The following RIMS2 variants were observed in gnomAD, a reference collection of about 807,000 sequenced individuals.
The protein encoded by RIMS2 is regulating synaptic membrane exocytosis 2, also known as regulating synaptic membrane exocytosis protein 2.
RIMS2 carries 59 observed loss-of-function variants against 174.4 expected under a neutral mutation model. The observed-to-expected ratio is 0.34, with a 90% CI of 0.27 to 0.42. RIMS2 has a LOEUF of 0.42. RIMS2 is among the 10% of genes least tolerant of loss of function. The pLI is 1.00. For missense variants in RIMS2, 1,620 were observed against 1,666.3 expected (o/e 0.97, Z 0.48); for synonymous variants, 606 against 572.5 (o/e 1.06, Z -0.84).
intron 19 of RIMS2, among the ~76,000 whole-genome samples, chr8:104,083,304 C>A (rs1322261175): frequency 6.6e-6 from 1 of 152,042 alleles, no homozygotes; most frequent in Non-Finnish European, 1.5e-5. Context: ...GAAAGGGAAC[C>A]TTATTTCTTG....
At chr8:103,917,626 TA>T (rs544508263) in intron 8 of RIMS2, among the ~76,000 whole-genome samples, 5 of 152,190 alleles carry the variant, frequency 3.3e-5, no homozygotes, top group Non-Finnish European at 4.4e-5. Context: ...AAATCTCAAA[TA>T]AAAAGATACA....
intron 1 of RIMS2, among the ~76,000 whole-genome samples, chr8:103,623,386 A>T (rs1188939211): frequency 6.6e-6 from 1 of 152,004 alleles, no homozygotes; most frequent in Non-Finnish European, 1.5e-5. Context: ...TAATGATAAA[A>T]ATATGTAGTA....
At chr8:103,587,256 C>A (rs181578017) in intron 1 of RIMS2, among the ~76,000 whole-genome samples, 11 of 152,068 alleles carry the variant, frequency 7.2e-5, no homozygotes, top group Admixed American at 1.3e-4. Context: ...GATGGCTTCA[C>A]TGCCGAATTC....
At chr8:103,911,662 T>C (rs2154527345) in intron 5 of RIMS2, among the ~76,000 whole-genome samples, 1 of 152,328 alleles carries the variant, frequency 6.6e-6, no homozygotes, top group East Asian at 1.9e-4. Context: ...TTTTCATTTT[T>C]AAATGAATTC....
At chr8:103,583,243 T>TA (rs2093715997) in intron 1 of RIMS2, among the ~76,000 whole-genome samples, 1 of 152,188 alleles carries the variant, frequency 6.6e-6, no homozygotes, top group African/African-American at 2.4e-5. Flanking sequence ...GGGTGCTCTC[T>TA]AAAACAGATA....
intron 1 of RIMS2, among the ~76,000 whole-genome samples, chr8:103,584,260 A>C (rs999019156): frequency 3.9e-5 from 6 of 152,170 alleles, no homozygotes; most frequent in Admixed American, 3.9e-4. Context: ...TTCAAACATA[A>C]AAGAGAATTA....
chr8:103,779,558 G>T (rs972577027), intron 3 of RIMS2, among the ~76,000 whole-genome samples: 1 of 151,612 alleles, frequency 6.6e-6, no homozygotes, highest in South Asian at 2.1e-4. Context: ...GTTGGCTATC[G>T]AATACTATGC....
chr8:104,068,422 G>A (rs1257059068), intron 19 of RIMS2, 90 bp from the exon 23 acceptor site: 4 of 594,852 alleles, frequency 6.7e-6, no homozygotes, highest in African/African-American at 3.7e-5. Flanking sequence ...TAATATACCA[G>A]CCTGGCTTTT....
chr8:104,080,961 A>G lies in RIMS2; in HGVS notation c.3334+66346A>G, dbSNP rs184585738. Reference sequence around the variant, plus strand: ...AACTTCAGAGAGTGGAAACATCTCTATAGCACTAGGCCTAGCACATGGGAA... The same window carrying G: ...AACTTCAGAGAGTGGAAACATCTCTGTAGCACTAGGCCTAGCACATGGGAA... On this transcript the variant is annotated intron_variant, in intron 19 of 23. Transcript: ENST00000504942. Among the ~76,000 whole-genome samples the G allele has an allele frequency of 2.4e-3, 360 of 152,190 alleles. 1 individual carries two copies. The highest frequency in any genetic ancestry group is 7.7e-3 in the African/African-American group (322 of 41,580).
At chr8:104,231,352 TG>T (rs1282169669) in intron 19 of RIMS2, among the ~76,000 whole-genome samples, 4 of 148,900 alleles carry the variant, frequency 2.7e-5, no homozygotes, top group African/African-American at 1.0e-4. Flanking sequence ...CAATATGAGG[TG>T]TTTTCTTTTT....
At chr8:104,053,976 C>A (rs1282786975) in intron 19 of RIMS2, among the ~76,000 whole-genome samples, 2 of 152,194 alleles carry the variant, frequency 1.3e-5, no homozygotes, top group South Asian at 2.1e-4. Flanking sequence ...CCATGGAGAA[C>A]AACTCACTCT....
At chr8:103,969,967 C>T (rs2154547522) in intron 15 of RIMS2, among the ~76,000 whole-genome samples, 1 of 152,244 alleles carries the variant, frequency 6.6e-6, no homozygotes, top group Non-Finnish European at 1.5e-5. Context: ...CCAGACAGGT[C>T]TTCAACTCCT....
In RIMS2 at chr8:103,783,267, C is replaced by CT. The variant is rs58402080; in HGVS notation, c.698+16745dup. Among the ~76,000 whole-genome samples the CT allele has an allele frequency of 4.5e-3, 628 of 140,956 alleles. 2 individuals are homozygous for CT. Among genetic ancestry groups the CT allele is most frequent in the Middle Eastern group, 0.011 (3 of 264 alleles). The allele number at this position is 140,956 out of a possible 152,430, so 92.5% of individuals were successfully genotyped here. ...AGCATAGCAGTTTGTTTTTTCTTTT[C>CT]TTTTTTTTTTTTTTTATTATACTTT... On this transcript the variant is annotated intron_variant, in intron 3 of 23. Transcript: ENST00000504942.
intron 19 of RIMS2, among the ~76,000 whole-genome samples, chr8:104,061,788 T>C (rs10113734): frequency 0.011 from 1,738 of 152,092 alleles, 26 homozygotes; most frequent in African/African-American, 0.039. Flanking sequence ...TCTATAGATA[T>C]ACCATTATGC....
chr8:104,146,013 C>T (rs2098635744), intron 19 of RIMS2, among the ~76,000 whole-genome samples: 1 of 151,808 alleles, frequency 6.6e-6, no homozygotes, highest in African/African-American at 2.4e-5. Flanking sequence ...AAACTCATCC[C>T]TGGTGATCTC....
At chr8:103,783,202 A>G (rs923866949) in intron 3 of RIMS2, among the ~76,000 whole-genome samples, 52 of 151,874 alleles carry the variant, frequency 3.4e-4, no homozygotes, top group African/African-American at 1.2e-3. Context: ...CTCAGCCCTT[A>G]GGGGCTACCC....
intron 19 of RIMS2, among the ~76,000 whole-genome samples, chr8:104,025,511 G>A (rs2096234002): frequency 1.3e-5 from 2 of 152,058 alleles, no homozygotes; most frequent in East Asian, 3.9e-4. Context: ...AAACAAAAAA[G>A]TTTGAAGTTG....
chr8:104,123,518 A>G (rs530228657), intron 19 of RIMS2, among the ~76,000 whole-genome samples: 1 of 152,128 alleles, frequency 6.6e-6, no homozygotes, highest in South Asian at 2.1e-4. Context: ...ATCATTGGGG[A>G]CAGGAGGCTA....
At chr8:103,933,288 GACACACACACACACACACACAC>G (rs55909886) in intron 12 of RIMS2, among the ~76,000 whole-genome samples, 180 of 119,728 alleles carry the variant, frequency 1.5e-3, no homozygotes, top group African/African-American at 5.6e-3. Context: ...TCGAGACTCT[GACACACACACACACACACACAC>G]ACACACACAC....
Sources: gnomAD v4.1 joint callset for allele counts (sites outside exome capture counted in the v4.1 genomes callset) on GRCh38, gnomAD v4.1.1 for gene constraint, MANE v1.5 for transcripts, NCBI Gene and HGNC (gene_info 2026-07-23, HGNC 2026-07-21) for gene names.